The following SLC7A5 variants were observed in gnomAD, a reference collection of about 807,000 sequenced individuals.
The protein encoded by SLC7A5 is large neutral amino acids transporter small subunit 1.
In SLC7A5, 23 loss-of-function variants were observed where a neutral mutation model predicts 50.2. The observed-to-expected ratio is 0.46, with a 90% confidence interval of 0.33 to 0.65. The LOEUF (loss-of-function observed/expected upper bound fraction) is 0.65. Ranked by LOEUF, SLC7A5 falls within the 30% of genes least tolerant of loss-of-function variation. The pLI is 0.02. For synonymous variants in SLC7A5, 393 were observed against 330.6 expected (o/e 1.19, Z -2.05); for missense variants, 578 against 684.4 (o/e 0.84, Z 1.73).
chr16:87,838,072 C>T (rs767715921), intron 6 of SLC7A5, 131 bp from the exon 7 acceptor site: 12 of 740,484 alleles, frequency 1.6e-5, no homozygotes, highest in Non-Finnish European at 2.1e-5. Context: ...CAGTGGGAAC[C>T]AGGCCCCTCC....
In SLC7A5 at chr16:87,838,924, C is replaced by G. The variant is rs2055047286; in HGVS notation, c.940-107G>C. 1.3e-5 allele frequency: 11 copies of G among 814,872 alleles called. No homozygotes were observed. The East Asian group carries it at 2.6e-4, about 19-fold the overall frequency. The allele number at this position is 814,872 out of a possible 1,614,324, so 50.5% of individuals were successfully genotyped here. Reference sequence around the variant, plus strand: ...GGCCAGCCCTCGCCCTCTGTGCTCACAAGAGCCCTCTGCAGAGGACCTCTC... The same window carrying G: ...GGCCAGCCCTCGCCCTCTGTGCTCAGAAGAGCCCTCTGCAGAGGACCTCTC... On this transcript the variant is annotated intron_variant, in intron 5 of 9. Coordinates refer to ENST00000261622, the MANE Select transcript of SLC7A5 (RefSeq NM_003486.7).
rs1002216661 is a variant in SLC7A5, at chr16:87,853,280, G to C, written c.539-1431C>G. ...CTAATGACACCGGAAACGTCCTGAG[G>C]TGCGGGACGGGCTGCCGCCTGCCTA... On this transcript the variant is annotated intron_variant, in intron 1 of 9. Coordinates refer to ENST00000261622, the MANE Select transcript of SLC7A5 (RefSeq NM_003486.7). This position sits in a 1 kb window ranked among gnomAD's most constrained non-coding sequence, Gnocchi z 4.4. Among the ~76,000 whole-genome samples the C allele has an allele frequency of 1.3e-5, 2 of 152,230 alleles. No homozygotes were observed. Among genetic ancestry groups the C allele is most frequent in the African/African-American group, 4.8e-5 (2 of 41,462 alleles).
At chr16:87,837,391 T>C (rs1043162683) in intron 7 of SLC7A5, 1 of 196,622 alleles carries the variant, frequency 5.1e-6, no homozygotes, top group Non-Finnish European at 1.1e-5. Context: ...AACTGTGAGA[T>C]AATAAGTGCT....
In SLC7A5 at chr16:87,836,497, C is replaced by G. The variant is rs1488945609; in HGVS notation, c.1290+1G>C. 1 of 1,610,260 alleles carries G rather than the reference C, an allele frequency of 6.2e-7. No homozygotes were observed. Among genetic ancestry groups the G allele is most frequent in the Non-Finnish European group, 8.5e-7 (1 of 1,179,928 alleles). The stretch of plus-strand genomic sequence containing the variant: ...GGGTGAGCGGGAGGCCCCGGGCTCA[C>G]CTTGATGGGCCGCTCAAGCTCAGGC... On this transcript the variant is annotated splice_donor_variant, in intron 8 of 9. Coordinates refer to ENST00000261622, the MANE Select transcript of SLC7A5 (RefSeq NM_003486.7). LOFTEE classifies it high-confidence loss of function.
At position 87,849,864 on chromosome 16, in the gene SLC7A5, C is replaced by G. The variant is rs144532846; in HGVS notation, c.664+1860G>C. On this transcript the variant is annotated intron_variant, in intron 2 of 9. Transcript: ENST00000261622. ...CACATGCATGGGGGATGGGCTCGAGCTCCTGAAGGATTGACCTGGGCAACC... is the reference window on the plus strand; with the variant it reads ...CACATGCATGGGGGATGGGCTCGAGGTCCTGAAGGATTGACCTGGGCAACC... Among the ~76,000 whole-genome samples, 256 of 152,272 alleles carry G rather than the reference C, an allele frequency of 1.7e-3. 2 individuals carry two copies. The highest frequency in any genetic ancestry group is 5.9e-3 in the African/African-American group (244 of 41,538).
In SLC7A5 at chr16:87,853,758, T is replaced by A. The variant is rs1035142232; in HGVS notation, c.539-1909A>T. On this transcript the variant is annotated intron_variant, in intron 1 of 9. Coordinates refer to ENST00000261622, the MANE Select transcript of SLC7A5 (RefSeq NM_003486.7). This position sits in a 1 kb window ranked among gnomAD's most constrained non-coding sequence, Gnocchi z 4.4. ...GCCGGCTGATTGCATCACTCGCTCA[T>A]TCATGCCCGGAGGGAGGCGGGGAGT... The A allele has an allele frequency of 6.6e-6, 1 of 152,156 alleles. No individual in the cohort carries two copies. Among genetic ancestry groups the A allele is most frequent in the Non-Finnish European group, 1.5e-5 (1 of 68,022 alleles). The allele number at this position is 152,156 out of a possible 1,614,324, so 9.4% of individuals were successfully genotyped here.
intron 4 of SLC7A5, among the ~76,000 whole-genome samples, 183 bp downstream of exon 4, chr16:87,840,246 C>T (rs927978754): frequency 2.0e-5 from 3 of 152,258 alleles, no homozygotes; most frequent in African/African-American, 4.8e-5. Context: ...TCTGGAGAAA[C>T]CGTGCTCAAG....
At position 87,833,084 on chromosome 16, in the gene SLC7A5, CGGGG is replaced by C; in HGVS notation, c.1469-63_1469-60del. 1 of 1,467,990 alleles carries C rather than the reference CGGGG, an allele frequency of 6.8e-7. No individual in the cohort carries two copies. Among genetic ancestry groups the C allele is most frequent in the Admixed American group, 1.7e-5 (1 of 59,738 alleles). 90.9% of individuals were successfully genotyped at this position (1,467,990 alleles called of 1,614,324 possible). On this transcript the variant is annotated intron_variant, in intron 9 of 9. Coordinates refer to ENST00000261622, the MANE Select transcript of SLC7A5 (RefSeq NM_003486.7). The surrounding 1 kb of genome is among the most constrained non-coding windows in gnomAD (Gnocchi z 6.0). ...GGGCTGGGTAGGCACCCGTGGGACA[CGGGG>C]GCGTGAGCTGGGGCTCCCCCAGCCC...
intron 5 of SLC7A5, among the ~76,000 whole-genome samples, chr16:87,839,487 G>A (rs1048407941): frequency 2.6e-5 from 4 of 152,210 alleles, no homozygotes; most frequent in Non-Finnish European, 5.9e-5. Context: ...GACTCCCCCA[G>A]CAGCTGAGCT....
chr16:87,869,410 C>A lies in SLC7A5; in HGVS notation c.13G>T (p.Gly5Cys). MAGA[G>C]PKRRALAAPA... ...GCCGCTAGCGCGCGCCGCTTCGGGC[C>A]CGCACCCGCCATGCTCTGCGCACCG... Residue 5 changes from glycine to cysteine, a missense_variant, in exon 1 of 10, where the codon GGC becomes TGC. This residue lies in a region of SLC7A5 where 113 missense variants were observed against 89.8 expected (regional missense o/e 1.26). Coordinates refer to ENST00000261622, the MANE Select transcript of SLC7A5 (RefSeq NM_003486.7). 1 of 1,495,070 alleles carries A rather than the reference C, an allele frequency of 6.7e-7. No homozygotes were observed. The highest frequency in any genetic ancestry group is 8.9e-7 in the Non-Finnish European group (1 of 1,128,146). The allele number at this position is 1,495,070 out of a possible 1,614,324, so 92.6% of individuals were successfully genotyped here.
In SLC7A5 at chr16:87,832,849, G is replaced by A. The variant is rs1006199232; in HGVS notation, c.*121C>T. 1.1e-5 allele frequency: 9 copies of A among 815,702 alleles called. No homozygotes were observed. The highest frequency in any genetic ancestry group is 3.4e-5 in the African/African-American group (2 of 59,694). The allele number at this position is 815,702 out of a possible 1,614,324, so 50.5% of individuals were successfully genotyped here. On this transcript the variant is annotated 3_prime_UTR_variant, in exon 10 of 10. Coordinates refer to ENST00000261622, the MANE Select transcript of SLC7A5 (RefSeq NM_003486.7). This position sits in a 1 kb window ranked among gnomAD's most constrained non-coding sequence, Gnocchi z 4.6. ...CTCCACTGCCCGACCTGGGAGGGAC[G>A]GCGAGGGACTGGGATGGGCAGCTGA...
At chr16:87,844,155 G>A (rs142155147) in intron 2 of SLC7A5, among the ~76,000 whole-genome samples, 3 of 152,288 alleles carry the variant, frequency 2.0e-5, no homozygotes, top group East Asian at 3.9e-4. Context: ...CAGACTCAGC[G>A]CAGAGCCTGA....
At chr16:87,866,109 GT>G (rs948372472) in intron 1 of SLC7A5, among the ~76,000 whole-genome samples, 11 of 152,040 alleles carry the variant, frequency 7.2e-5, no homozygotes, top group Admixed American at 2.0e-4. Flanking sequence ...GGGGGCGGGG[GT>G]GCGGTGAGCA....
At chr16:87,834,032 T>C (rs2054965408) in intron 9 of SLC7A5, among the ~76,000 whole-genome samples, 1 of 152,110 alleles carries the variant, frequency 6.6e-6, no homozygotes, top group Non-Finnish European at 1.5e-5. Context: ...CTGTGTATTT[T>C]TAGTAGAGAC....
intron 5 of SLC7A5, 61 bp from the exon 6 acceptor site, chr16:87,838,878 C>T: frequency 4.0e-6 from 5 of 1,265,772 alleles, no homozygotes; most frequent in Non-Finnish European, 5.8e-6. Context: ...TCCCTGTGCT[C>T]ACTGGGAGCC....
intron 1 of SLC7A5, among the ~76,000 whole-genome samples, chr16:87,858,248 T>C (rs2055345006): frequency 6.6e-6 from 1 of 152,218 alleles, no homozygotes; most frequent in Non-Finnish European, 1.5e-5. Flanking sequence ...TCCTGCTGCA[T>C]GGGCGAAATA....
chr16:87,838,679 C>T, intron 6 of SLC7A5, 35 bp downstream of exon 6: 2 of 1,507,796 alleles, frequency 1.3e-6, no homozygotes, highest in Non-Finnish European at 1.8e-6. Flanking sequence ...GAGGCCTGGG[C>T]CTCCCTCACC....
In SLC7A5 at chr16:87,868,961, G is replaced by A. The variant is rs1320815999; in HGVS notation, c.462C>T (p.Thr154=). Residue 154 remains threonine (T), a synonymous_variant, in exon 1 of 10, where the codon ACC becomes ACT. Transcript: ENST00000261622. The part of the protein sequence containing the change: ...SQYIVALVFA[T]YLLKPLFPTC... ...TGGGGAAGAGCGGCTTGAGCAGGTA[G>A]GTGGCGAAGACCAGGGCCACGATGT... 1.2e-6 allele frequency: 2 copies of A among 1,610,204 alleles called. No homozygotes were observed. The highest frequency in any genetic ancestry group is 1.7e-6 in the Non-Finnish European group (2 of 1,179,362).
rs1375864096 is a variant in SLC7A5 at position 87,833,922 on chromosome 16, C to G, written c.1468+492G>C. Among the ~76,000 whole-genome samples, 3 of 151,194 alleles carry G rather than the reference C, an allele frequency of 2.0e-5. No homozygotes were observed. Among genetic ancestry groups the G allele is most frequent in the Non-Finnish European group, 4.4e-5 (3 of 67,884 alleles). On this transcript the variant is annotated intron_variant, in intron 9 of 9. Coordinates refer to ENST00000261622, the MANE Select transcript of SLC7A5 (RefSeq NM_003486.7). The surrounding 1 kb of genome is among the most constrained non-coding windows in gnomAD (Gnocchi z 6.0). ...AGGCTGGAGTGCAATGGTGCGATCT[C>G]GGCTCACTGCAACCTCCGTCTCCCG...
Sources: allele counts gnomAD v4.1 joint callset (sites outside exome capture counted in the v4.1 genomes callset), GRCh38; gene constraint gnomAD v4.1.1; regional missense constraint gnomAD v4.1.1; non-coding constraint Gnocchi (gnomAD v3.1); transcripts MANE v1.5; gene names NCBI Gene and HGNC (gene_info 2026-07-23, HGNC 2026-07-21).